The following RDX variants were observed in gnomAD, a reference collection of about 807,000 sequenced individuals.
RDX encodes the protein deafness, autosomal recessive 24.
A neutral mutation model predicts 83.7 loss-of-function variants in RDX; 32 were observed. That is an observed-to-expected ratio of 0.38 (90% CI 0.29 to 0.51). The LOEUF (loss-of-function observed/expected upper bound fraction) is 0.51. Ranked by LOEUF, RDX falls within the 20% of genes least tolerant of loss-of-function variation. RDX has a pLI of 0.87. For missense variants in RDX, 600 were observed against 689.9 expected, an observed-to-expected ratio of 0.87 and a Z score of 1.46; for synonymous variants, 229 against 222.7, an observed-to-expected ratio of 1.03 and a Z score of -0.25.
chr11:110,273,313 T>A (rs977462473), intron 2 of RDX, among the ~76,000 whole-genome samples: 4 of 152,266 alleles, frequency 2.6e-5, no homozygotes, highest in African/African-American at 9.6e-5. Context: ...TCTTTCAACA[T>A]GAAAATCAGA....
At chr11:110,210,192 C>T (rs1277580477) in intron 14 of RDX, among the ~76,000 whole-genome samples, 12 of 129,876 alleles carry the variant, frequency 9.2e-5, no homozygotes, top group African/African-American at 3.0e-4. Context: ...GTGAAGAATG[C>T]AGAAGCCTCA....
intron 14 of RDX, among the ~76,000 whole-genome samples, chr11:110,214,183 C>T (rs977364706): frequency 2.6e-5 from 4 of 151,706 alleles, no homozygotes; most frequent in Admixed American, 6.6e-5. Flanking sequence ...GGGAGAAGGA[C>T]GTGAACAGAC....
chr11:110,284,525 TA>T (rs750101085), intron 1 of RDX, among the ~76,000 whole-genome samples: 91 of 75,558 alleles, frequency 1.2e-3, no homozygotes, highest in Non-Finnish European at 1.8e-3. Context: ...GTATTATTAT[TA>T]TTTTTTTTTT....
intron 2 of RDX, among the ~76,000 whole-genome samples, chr11:110,279,007 T>A (rs1334937702): frequency 2.6e-5 from 4 of 152,186 alleles, no homozygotes; most frequent in Non-Finnish European, 5.9e-5. Context: ...AATCTAAGAC[T>A]ATATAATATC....
intron 5 of RDX, among the ~76,000 whole-genome samples, chr11:110,261,668 G>A (rs549398079): frequency 3.4e-4 from 51 of 152,216 alleles, no homozygotes; most frequent in Admixed American, 2.7e-3. Flanking sequence ...CTCATTTTAA[G>A]ATAACATGGC....
Position 110,272,540 on chromosome 11 carries a change from T to C in RDX, c.92A>G (p.Asp31Gly), listed in dbSNP as rs1221853098. 6.2e-7 allele frequency: 1 copy of C among 1,608,034 alleles called. No individual in the cohort carries two copies. Among genetic ancestry groups the C allele is most frequent in the East Asian group, 2.2e-5 (1 of 44,826 alleles). ...ATATTTCATGCAGTGTAATACCTGG[T>C]CAAAAAGTTGTTTGCCAGTTGTATT... Reference protein sequence around the residue: ...QPNTTGKQLFDQVVKTVGLRE... With the variant: ...QPNTTGKQLFGQVVKTVGLRE... The change falls in exon 3 of 14, where the codon GAC becomes GGC. Residue 31 changes from aspartate to glycine, a missense_variant. Transcript: ENST00000645495.
chr11:110,262,040 G>A (rs1859829497), intron 5 of RDX, among the ~76,000 whole-genome samples: 1 of 151,940 alleles, frequency 6.6e-6, no homozygotes, highest in South Asian at 2.1e-4. Context: ...AAAAATTAAA[G>A]TAATTCTGAT....
At chr11:110,191,114 T>G (rs11213300) in intron 15 of RDX, among the ~76,000 whole-genome samples, 63,769 of 151,924 alleles carry the variant, frequency 0.42, 13,687 homozygotes, top group East Asian at 0.6. Flanking sequence ...ACCCTGATAC[T>G]AACACCTGGC....
At position 110,257,806 on chromosome 11, in the gene RDX, A is replaced by C; in HGVS notation, c.659T>G (p.Val220Gly). The C allele has an allele frequency of 6.2e-7, 1 of 1,612,218 alleles. No individual in the cohort carries two copies. The highest frequency in any genetic ancestry group is 8.5e-7 in the Non-Finnish European group (1 of 1,179,682). Residue 220 changes from valine (V) to glycine (G), a missense_variant, in exon 7 of 14, where the codon GTT becomes GGT. Val to Gly is a moderately radical substitution (Grantham distance 109). Transcript: ENST00000645495. ...NKKGTELWLG[V>G]DALGLNIYEH... ...ATAAATATTCAGACCCAAAGCATCAACACCTAGCCACAATTCAGTTCCTTT... is the reference window on the plus strand; with the variant it reads ...ATAAATATTCAGACCCAAAGCATCACCACCTAGCCACAATTCAGTTCCTTT...
At chr11:110,217,448 G>A (rs562200823) in intron 14 of RDX, among the ~76,000 whole-genome samples, 10 of 152,288 alleles carry the variant, frequency 6.6e-5, no homozygotes, top group African/African-American at 2.4e-4. Flanking sequence ...ATATTTGGAT[G>A]AATAAATGGA....
intron 3 of RDX, among the ~76,000 whole-genome samples, chr11:110,272,084 T>C (rs1036446590): frequency 3.9e-5 from 6 of 152,190 alleles, no homozygotes; most frequent in Non-Finnish European, 8.8e-5. Context: ...CCCCAAGATA[T>C]CTCATTATAC....
At chr11:110,233,643 G>A (rs1006961147) in intron 12 of RDX, 164 bp from the exon 13 acceptor site, 7 of 720,456 alleles carry the variant, frequency 9.7e-6, no homozygotes, top group Non-Finnish European at 1.4e-5. Context: ...AGGTAAAAGA[G>A]AAAATCAAAA....
At chr11:110,175,080 T>G (rs546509729) in exon 16 of RDX, 82 of 152,320 alleles carry the variant, frequency 5.4e-4, no homozygotes, top group African/African-American at 1.9e-3. Flanking sequence ...GGGCTTGGGT[T>G]GGGACTCAGG....
chr11:110,226,592 C>A (rs1031912926), downstream of RDX, among the ~76,000 whole-genome samples: 3 of 152,078 alleles, frequency 2.0e-5, no homozygotes, highest in Admixed American at 6.5e-5. Flanking sequence ...CTTAATGGCA[C>A]TGAACTGTAC....
intron 14 of RDX, among the ~76,000 whole-genome samples, chr11:110,219,883 G>C (rs2134274013): frequency 6.6e-6 from 1 of 152,274 alleles, no homozygotes; most frequent in East Asian, 1.9e-4. Flanking sequence ...CAGTCTACAG[G>C]TGGTATTTAA....
At chr11:110,287,854 T>C (rs1179611897) in intron 1 of RDX, among the ~76,000 whole-genome samples, 1 of 152,206 alleles carries the variant, frequency 6.6e-6, no homozygotes, top group African/African-American at 2.4e-5. Flanking sequence ...GGGGGCTACT[T>C]AACAAGACAT....
At chr11:110,261,864 T>G (rs922180066) in intron 5 of RDX, among the ~76,000 whole-genome samples, 4 of 152,194 alleles carry the variant, frequency 2.6e-5, no homozygotes, top group African/African-American at 9.7e-5. Context: ...AAACTGTGCT[T>G]GTGTGTTATT....
At chr11:110,178,373 A>T (rs140494371) in intron 15 of RDX, among the ~76,000 whole-genome samples, 139 of 152,308 alleles carry the variant, frequency 9.1e-4, no homozygotes, top group African/African-American at 3.1e-3. Flanking sequence ...CCTTTGACTG[A>T]TCGATCCAGT....
intron 8 of RDX, 61 bp from the exon 9 acceptor site, chr11:110,254,170 C>G: frequency 1.4e-6 from 2 of 1,410,636 alleles, no homozygotes; most frequent in Admixed American, 1.8e-5. Context: ...TCATAACAAT[C>G]TGTACTAAAT....
Sources: gnomAD v4.1 joint callset for allele counts (sites outside exome capture counted in the v4.1 genomes callset) on GRCh38, gnomAD v4.1.1 for gene constraint, MANE v1.5 for transcripts, NCBI Gene and HGNC (gene_info 2026-07-23, HGNC 2026-07-21) for gene names.